SLC12A2: variants seen among roughly 807,000 people sequenced by gnomAD.
SLC12A2 encodes solute carrier family 12 member 2.
SLC12A2 carries 67 observed loss-of-function variants against 136.3 expected under a neutral mutation model. The ratio of observed to expected loss-of-function variants is 0.49; its 90% CI spans 0.40 to 0.60. The LOEUF (loss-of-function observed/expected upper bound fraction) is 0.60. Among genes scored for constraint, SLC12A2 ranks in the 20% least tolerant of loss-of-function variants. The probability of loss-of-function intolerance (pLI) is 0.00; values close to 1 mark genes in which losing one functional copy is unlikely to be tolerated. For missense variants in SLC12A2, 1,322 were observed against 1,534.7 expected (o/e 0.86, Z 2.32); for synonymous variants, 619 against 562.9 (o/e 1.10, Z -1.41).
chr5:128,129,306 G>A (rs1761930528), intron 4 of SLC12A2, among the ~76,000 whole-genome samples: 1 of 151,854 alleles, frequency 6.6e-6, no homozygotes, highest in Non-Finnish European at 1.5e-5. Flanking sequence ...ACTATTGTAG[G>A]GATTTTACTT....
chr5:128,088,208 G>A (rs910741350), intron 1 of SLC12A2, among the ~76,000 whole-genome samples: 2 of 152,074 alleles, frequency 1.3e-5, no homozygotes, highest in Non-Finnish European at 2.9e-5. Context: ...GGAGCCATTA[G>A]CAAAGGAAAT....
At position 128,184,819 on chromosome 5, in the gene SLC12A2, T is replaced by C. The variant is rs754784538; in HGVS notation, c.3466T>C (p.Leu1156=). 1 of 1,607,920 alleles carries C rather than the reference T, an allele frequency of 6.2e-7. No individual in the cohort carries two copies. The highest frequency in any genetic ancestry group is 8.5e-7 in the Non-Finnish European group (1 of 1,174,614). ...TYRQIRLNEL[L]KEHSSTANII... is the part of the protein sequence containing the mutation. ...CCGGCAGATCAGGTTAAATGAGTTA[T>C]TAAAGGAACATTCAAGCACAGCTAA... is the stretch of plus-strand genomic sequence containing the variant. Residue 1156 remains leucine, a synonymous_variant, in exon 26 of 27, where the codon TTA becomes CTA. Transcript: ENST00000262461.
rs1393252930 is a variant in SLC12A2, at chr5:128,189,659, A to C, written c.*3028A>C. The C allele has an allele frequency of 1.3e-5, 2 of 152,656 alleles. No homozygotes were observed. The highest frequency in any genetic ancestry group is 3.8e-4 in the East Asian group (2 of 5,200). The allele number at this position is 152,656 out of a possible 1,614,324, so 9.5% of individuals were successfully genotyped here. A position where few individuals can be genotyped will look rare whatever the true frequency, so the allele number is the denominator to read the frequency against. On this transcript the variant is annotated 3_prime_UTR_variant, in exon 27 of 27. Transcript: ENST00000262461. ...GTACAGAGGTTACTGCAATAAAGGA[A>C]GTGGATTCATTAAACCTATTTAATG...
chr5:128,090,774 C>T (rs886937510), intron 1 of SLC12A2, among the ~76,000 whole-genome samples: 9 of 152,118 alleles, frequency 5.9e-5, no homozygotes, highest in African/African-American at 2.2e-4. Context: ...ACAACAGATA[C>T]CAAGACCCTG....
chr5:128,176,916 C>CAA (rs1416754037), intron 20 of SLC12A2, among the ~76,000 whole-genome samples, 189 bp from the exon 21 acceptor site: 1 of 151,922 alleles, frequency 6.6e-6, no homozygotes, highest in Non-Finnish European at 1.5e-5. Flanking sequence ...GGAGGGGTCT[C>CAA]AAATATGTTT....
chr5:128,106,402 T>C (rs1760939988), intron 1 of SLC12A2, among the ~76,000 whole-genome samples: 1 of 152,210 alleles, frequency 6.6e-6, no homozygotes, highest in South Asian at 2.1e-4. Context: ...CCATACTTGC[T>C]AATTCTCTTA....
At chr5:128,101,670 G>A (rs987000527) in intron 1 of SLC12A2, among the ~76,000 whole-genome samples, 2 of 152,098 alleles carry the variant, frequency 1.3e-5, no homozygotes, top group East Asian at 1.9e-4. Flanking sequence ...TTTTGTTTCT[G>A]TTCTCAGACT....
intron 17 of SLC12A2, among the ~76,000 whole-genome samples, chr5:128,163,137 C>T (rs570203069): frequency 1.8e-4 from 28 of 152,244 alleles, no homozygotes; most frequent in African/African-American, 6.3e-4. Flanking sequence ...AGGAAAGCAA[C>T]CTGGCAAAAT....
chr5:128,084,260 G>GGCA lies in SLC12A2; in HGVS notation c.309_311dup (p.Ala107dup), dbSNP rs1759966445. 3.2e-6 allele frequency: 4 copies of GGCA among 1,238,378 alleles called. No individual in the cohort carries two copies. The highest frequency in any genetic ancestry group is 3.2e-5 in the African/African-American group (2 of 62,222). 76.7% of individuals were successfully genotyped at this position (1,238,378 alleles called of 1,614,324 possible). ...CTGCTGCGGCGGCGGCGGCGGCGGC[G>GGCA]GCAGCGGCGGCGGCTGGTGCTGGGG... is the stretch of plus-strand genomic sequence containing the variant. On this transcript the variant is annotated inframe_insertion, in exon 1 of 27. Coordinates refer to ENST00000262461, the MANE Select transcript of SLC12A2 (RefSeq NM_001046.3). This position sits in a 1 kb window ranked among gnomAD's most constrained non-coding sequence, Gnocchi z 5.6.
chr5:128,185,921 A>G (rs1363297782), intron 26 of SLC12A2, among the ~76,000 whole-genome samples: 1 of 152,052 alleles, frequency 6.6e-6, no homozygotes. Context: ...TTATAATACC[A>G]TATGTTAAGC....
At chr5:128,114,710 A>G (rs751917119) in intron 4 of SLC12A2, 29 bp downstream of exon 4, 1 of 1,277,800 alleles carries the variant, frequency 7.8e-7, no homozygotes, top group Non-Finnish European at 1.1e-6. Context: ...AATCATCATC[A>G]TCAGATTACT....
At chr5:128,152,670 T>C in intron 14 of SLC12A2, 36 bp from the exon 15 acceptor site, 2 of 1,287,216 alleles carry the variant, frequency 1.6e-6, no homozygotes, top group Non-Finnish European at 2.3e-6. Flanking sequence ...TTGTTATTAC[T>C]GATGTTAATG....
Position 128,125,473 on chromosome 5 carries a change from C to G in SLC12A2, c.1049-5594C>G, listed in dbSNP as rs1005670022. On this transcript the variant is annotated intron_variant, in intron 4 of 26. Transcript: ENST00000262461. ...GTACAATCTTCTTTTGGGATGTAGT[C>G]ACATCTTTAGCCAATTTAAAAATTG... Among the ~76,000 whole-genome samples, 21 of 152,222 alleles carry G rather than the reference C, an allele frequency of 1.4e-4. No individual in the cohort carries two copies. In the East Asian group the frequency reaches 4.1e-3, roughly 29 times the overall value.
At chr5:128,102,596 CTTTTTTTTTTTTTT>C (rs70997362) in intron 1 of SLC12A2, among the ~76,000 whole-genome samples, 57 of 40,462 alleles carry the variant, frequency 1.4e-3, no homozygotes, top group African/African-American at 2.4e-3. Context: ...CCCCCCCCGC[CTTTTTTTTTTTTTT>C]TTTTTTTTTT....
intron 1 of SLC12A2, among the ~76,000 whole-genome samples, chr5:128,097,723 ATGT>A (rs1425929827): frequency 1.3e-5 from 2 of 152,104 alleles, no homozygotes; most frequent in African/African-American, 2.4e-5. Flanking sequence ...GATGATAAAC[ATGT>A]TGTTCTTGTT....
chr5:128,117,332 A>G (rs78720865), intron 4 of SLC12A2, among the ~76,000 whole-genome samples: 2,626 of 152,320 alleles, frequency 0.017, 27 homozygotes, highest in Admixed American at 0.031. Flanking sequence ...ATGAAAATAT[A>G]TGAAAATATG....
intron 1 of SLC12A2, among the ~76,000 whole-genome samples, chr5:128,103,291 C>G (rs554515813): frequency 1.6e-3 from 242 of 152,168 alleles, no homozygotes; most frequent in Non-Finnish European, 2.9e-3. Context: ...GGATAATATC[C>G]CCATTTCGCA....
At chr5:128,181,592 T>C (rs1346349532) in intron 23 of SLC12A2, among the ~76,000 whole-genome samples, 1 of 152,198 alleles carries the variant, frequency 6.6e-6, no homozygotes, top group East Asian at 1.9e-4. Flanking sequence ...CCCAGTTTTA[T>C]TTTTCAGAAA....
intron 1 of SLC12A2, chr5:128,109,395 C>G: frequency 3.1e-6 from 1 of 324,774 alleles, no homozygotes; most frequent in Non-Finnish European, 6.0e-6. Flanking sequence ...TGTGATTGGC[C>G]GGTGTGCCCC....
Sources: gnomAD v4.1 joint callset for allele counts (sites outside exome capture counted in the v4.1 genomes callset) on GRCh38, gnomAD v4.1.1 for gene constraint, Gnocchi (gnomAD v3.1) non-coding constraint, MANE v1.5 for transcripts, NCBI Gene and HGNC (gene_info 2026-07-23, HGNC 2026-07-21) for gene names.